The following F13A1 variants were observed in gnomAD, a reference collection of about 807,000 sequenced individuals.
F13A1 encodes the protein coagulation factor XIII A chain, also known as FSF, A subunit.
A neutral mutation model predicts 80.1 loss-of-function variants in F13A1; 47 were observed. That is an observed-to-expected ratio of 0.59 (90% CI 0.46 to 0.75). The LOEUF is 0.75. Among genes scored for constraint, F13A1 ranks in the 30% least tolerant of loss-of-function variants. The pLI, the probability that F13A1 is intolerant of heterozygous loss-of-function variation, is 0.00. For synonymous variants in F13A1, 349 were observed against 344.9 expected (o/e 1.01, Z -0.13); for missense variants, 817 against 930.4 (o/e 0.88, Z 1.59).
chr6:6,173,541 G>C (rs940211921), intron 12 of F13A1, among the ~76,000 whole-genome samples: 1 of 151,794 alleles, frequency 6.6e-6, no homozygotes, highest in African/African-American at 2.4e-5. Context: ...CTGAGTAGCT[G>C]AGACTACAGG....
At position 6,145,462 on chromosome 6, in the gene F13A1, G is replaced by A; in HGVS notation, c.*157C>T. 1 of 914,102 alleles carries A rather than the reference G, an allele frequency of 1.1e-6. No individual in the cohort carries two copies. The highest frequency in any genetic ancestry group is 1.7e-6 in the Non-Finnish European group (1 of 574,052). 56.6% of individuals were successfully genotyped at this position (914,102 alleles called of 1,614,324 possible). On this transcript the variant is annotated 3_prime_UTR_variant, in exon 15 of 15. Transcript: ENST00000264870. ...GAATAGCCTGGGTTTGGAAAAGCAT[G>A]TTTTTGAAATATGTGGGATCTCCAC...
chr6:6,275,871 G>A (rs1270850467), intron 3 of F13A1, among the ~76,000 whole-genome samples: 1 of 152,202 alleles, frequency 6.6e-6, no homozygotes, highest in Non-Finnish European at 1.5e-5. Context: ...ACCCACATGT[G>A]TGTTGCCTCA....
At chr6:6,168,897 G>A (rs1416070677) in intron 12 of F13A1, among the ~76,000 whole-genome samples, 2 of 152,200 alleles carry the variant, frequency 1.3e-5, no homozygotes, top group Non-Finnish European at 2.9e-5. Flanking sequence ...ACCTGCGATG[G>A]ATCTGCAGCA....
At chr6:6,289,640 T>C (rs771269334) in intron 3 of F13A1, among the ~76,000 whole-genome samples, 10 of 152,098 alleles carry the variant, frequency 6.6e-5, no homozygotes, top group Non-Finnish European at 1.0e-4. Flanking sequence ...CAATTTATCT[T>C]CCACACTTCT....
intron 3 of F13A1, among the ~76,000 whole-genome samples, chr6:6,277,000 T>C (rs1757997182): frequency 6.6e-6 from 1 of 152,110 alleles, no homozygotes; most frequent in Non-Finnish European, 1.5e-5. Flanking sequence ...CCTTAAAAAC[T>C]GAGCCGCAGC....
intron 10 of F13A1, among the ~76,000 whole-genome samples, chr6:6,190,948 C>T (rs56676108): frequency 0.023 from 3,494 of 152,070 alleles, 132 homozygotes; most frequent in African/African-American, 0.077. Context: ...TTAAGCCCGT[C>T]GGAAAAGCGC....
At chr6:6,160,469 T>C (rs1190242109) in intron 13 of F13A1, among the ~76,000 whole-genome samples, 1 of 151,930 alleles carries the variant, frequency 6.6e-6, no homozygotes, top group African/African-American at 2.4e-5. Flanking sequence ...CCTGAGTAGC[T>C]GGGGTTACAG....
intron 10 of F13A1, among the ~76,000 whole-genome samples, chr6:6,186,319 A>T (rs930128359): frequency 4.6e-5 from 7 of 151,992 alleles, no homozygotes; most frequent in African/African-American, 1.4e-4. Flanking sequence ...CTGAATGGTA[A>T]TGCCTAGGTT....
intron 3 of F13A1, among the ~76,000 whole-genome samples, chr6:6,271,404 C>A (rs956136265): frequency 1.3e-5 from 2 of 152,156 alleles, no homozygotes; most frequent in Non-Finnish European, 2.9e-5. Flanking sequence ...CATCAACATC[C>A]ATGACTGCCC....
intron 2 of F13A1, among the ~76,000 whole-genome samples, chr6:6,306,538 T>C (rs989683491): frequency 1.3e-5 from 2 of 152,210 alleles, no homozygotes; most frequent in Non-Finnish European, 2.9e-5. Flanking sequence ...CCTTCCCCTC[T>C]ATGAATGATG....
intron 3 of F13A1, among the ~76,000 whole-genome samples, chr6:6,270,433 TA>T (rs1465341957): frequency 6.6e-6 from 1 of 152,264 alleles, no homozygotes; most frequent in African/African-American, 2.4e-5. Flanking sequence ...TGTAGCTTTT[TA>T]TTGATTTTAT....
At chr6:6,238,159 C>A (rs971590248) in intron 6 of F13A1, among the ~76,000 whole-genome samples, 1 of 152,174 alleles carries the variant, frequency 6.6e-6, no homozygotes, top group Non-Finnish European at 1.5e-5. Context: ...TAGATCCATA[C>A]TCATGTAGAC....
chr6:6,293,209 G>A (rs539476358), intron 3 of F13A1, among the ~76,000 whole-genome samples: 30 of 152,234 alleles, frequency 2.0e-4, no homozygotes, highest in South Asian at 1.9e-3. Context: ...ACTTCGGAGG[G>A]CTCCTCAGGG....
intron 12 of F13A1, among the ~76,000 whole-genome samples, chr6:6,168,017 C>T (rs938060144): frequency 6.6e-6 from 1 of 152,192 alleles, no homozygotes; most frequent in Admixed American, 6.5e-5. Flanking sequence ...CCCCATTCCA[C>T]ATAGGATCCC....
intron 13 of F13A1, among the ~76,000 whole-genome samples, chr6:6,156,513 T>A (rs1191373406): frequency 6.6e-6 from 1 of 152,226 alleles, no homozygotes; most frequent in Non-Finnish European, 1.5e-5. Flanking sequence ...ACAGCTCTTA[T>A]TTCAAGTACT....
At chr6:6,313,190 A>G (rs1758630154) in intron 2 of F13A1, among the ~76,000 whole-genome samples, 1 of 152,016 alleles carries the variant, frequency 6.6e-6, no homozygotes, top group South Asian at 2.1e-4. Flanking sequence ...ATCATCATCC[A>G]GACTCCGTTT....
intron 8 of F13A1, among the ~76,000 whole-genome samples, chr6:6,209,811 A>T (rs1421173161): frequency 2.0e-5 from 3 of 152,224 alleles, no homozygotes; most frequent in African/African-American, 7.2e-5. Flanking sequence ...CCATAGAGAG[A>T]GAAAGTAGAT....
intron 13 of F13A1, among the ~76,000 whole-genome samples, chr6:6,165,649 G>A (rs1760658486): frequency 6.6e-6 from 1 of 152,208 alleles, no homozygotes; most frequent in South Asian, 2.1e-4. Context: ...GCTGGGACAG[G>A]CCTGCAGCAG....
At chr6:6,244,979 T>C (rs1011980349) in intron 6 of F13A1, among the ~76,000 whole-genome samples, 2 of 152,056 alleles carry the variant, frequency 1.3e-5, no homozygotes, top group Admixed American at 6.6e-5. Context: ...AGAAACTGAG[T>C]CACAGAGGGG....
Sources: allele counts gnomAD v4.1 joint callset (sites outside exome capture counted in the v4.1 genomes callset), GRCh38; gene constraint gnomAD v4.1.1; transcripts MANE v1.5; gene names NCBI Gene and HGNC (gene_info 2026-07-23, HGNC 2026-07-21).